WDR7: variants seen among roughly 807,000 people sequenced by gnomAD.
WDR7 encodes WD repeat-containing protein 7.
In WDR7, 46 loss-of-function variants were observed where a neutral mutation model predicts 169.4. That is an observed-to-expected ratio of 0.27 (90% CI 0.21 to 0.35). WDR7 has a LOEUF of 0.35. Among genes scored for constraint, WDR7 ranks in the 10% least tolerant of loss-of-function variants. The probability of loss-of-function intolerance (pLI) is 1.00; values close to 1 mark genes in which losing one functional copy is unlikely to be tolerated. For synonymous variants in WDR7, 612 were observed against 666.8 expected, an observed-to-expected ratio of 0.92 and a Z score of 1.27; for missense variants, 1,534 against 1,859.3, an observed-to-expected ratio of 0.83 and a Z score of 3.22.
chr18:56,905,048 A>G (rs775520971), intron 21 of WDR7, among the ~76,000 whole-genome samples: 8 of 152,218 alleles, frequency 5.3e-5, no homozygotes, highest in Non-Finnish European at 1.0e-4. Flanking sequence ...TTTGGTGAAG[A>G]CAATTAAACC....
At chr18:57,013,494 A>T (rs1324478386) in intron 26 of WDR7, among the ~76,000 whole-genome samples, 1 of 152,240 alleles carries the variant, frequency 6.6e-6, no homozygotes, top group Non-Finnish European at 1.5e-5. Flanking sequence ...ACGTTATATG[A>T]TGCAATTTTA....
At chr18:56,690,227 C>G (rs768143706) in intron 7 of WDR7, among the ~76,000 whole-genome samples, 5 of 152,090 alleles carry the variant, frequency 3.3e-5, no homozygotes, top group Non-Finnish European at 5.9e-5. Context: ...GTGTCCATTT[C>G]TTGTCTGTAA....
chr18:56,711,800 T>C (rs2026091962), intron 12 of WDR7, among the ~76,000 whole-genome samples: 1 of 152,196 alleles, frequency 6.6e-6, no homozygotes, highest in African/African-American at 2.4e-5. Context: ...ATAGGCTGTT[T>C]TTTCCCCTTC....
At chr18:56,746,469 G>T (rs1337741536) in intron 14 of WDR7, among the ~76,000 whole-genome samples, 3 of 152,094 alleles carry the variant, frequency 2.0e-5, no homozygotes, top group African/African-American at 7.2e-5. Context: ...AATGTTACTT[G>T]GTTTTTAGTC....
chr18:56,886,863 C>G (rs929186696), intron 21 of WDR7, among the ~76,000 whole-genome samples: 2 of 152,080 alleles, frequency 1.3e-5, no homozygotes, highest in African/African-American at 4.8e-5. Context: ...TTTAAAGCAA[C>G]AGCAGAAAGA....
rs2026718658 is a variant in WDR7 at position 56,737,166 on chromosome 18, TAGA to T, written c.1989+5573_1989+5575del. Among the ~76,000 whole-genome samples the T allele has an allele frequency of 1.4e-4, 21 of 152,324 alleles. 2 individuals carry two copies. In the South Asian group the frequency reaches 4.3e-3, roughly 32 times the overall value. On this transcript the variant is annotated intron_variant, in intron 14 of 27. Coordinates refer to ENST00000254442, the MANE Select transcript of WDR7 (RefSeq NM_015285.3). ...ATAAGCAGTTCAGTGGATTAGGAGT[TAGA>T]AGATTTGTAAAATATAGATAACCAG...
intron 18 of WDR7, among the ~76,000 whole-genome samples, chr18:56,780,433 T>G (rs1166055430): frequency 6.6e-6 from 1 of 152,206 alleles, no homozygotes; most frequent in East Asian, 1.9e-4. Flanking sequence ...TTGAATAATA[T>G]TTTGAATTCA....
chr18:56,848,527 G>A (rs1357143225), intron 20 of WDR7, among the ~76,000 whole-genome samples: 1 of 152,092 alleles, frequency 6.6e-6, no homozygotes, highest in Non-Finnish European at 1.5e-5. Context: ...GGGGGCCAGG[G>A]ATGGAATGAT....
chr18:56,783,933 A>G (rs1184048878), intron 19 of WDR7, among the ~76,000 whole-genome samples: 2 of 152,214 alleles, frequency 1.3e-5, no homozygotes, highest in Non-Finnish European at 2.9e-5. Flanking sequence ...AGAACTGTGT[A>G]TGTTGTTTGG....
At chr18:56,979,644 GTC>G (rs896686259) in intron 26 of WDR7, among the ~76,000 whole-genome samples, 2 of 152,206 alleles carry the variant, frequency 1.3e-5, no homozygotes, top group Non-Finnish European at 2.9e-5. Context: ...TTGGTAGACT[GTC>G]TTCTTTTGCT....
intron 19 of WDR7, among the ~76,000 whole-genome samples, chr18:56,807,413 C>G (rs527428402): frequency 6.6e-6 from 1 of 152,168 alleles, no homozygotes; most frequent in Admixed American, 6.5e-5. Context: ...GTTGTCAGCT[C>G]ATATCCTGCA....
chr18:57,020,917 T>C (rs1022270015), intron 27 of WDR7, 68 bp downstream of exon 27: 1 of 1,450,332 alleles, frequency 6.9e-7, no homozygotes, highest in Admixed American at 1.7e-5. Context: ...TAAGCCTTCC[T>C]GTTGAGCCTA....
At chr18:56,788,731 T>C (rs1013595365) in intron 19 of WDR7, among the ~76,000 whole-genome samples, 26 of 152,312 alleles carry the variant, frequency 1.7e-4, no homozygotes, top group African/African-American at 6.3e-4. Flanking sequence ...CCTTTTGTAA[T>C]GCCTGTTTTA....
intron 13 of WDR7, among the ~76,000 whole-genome samples, chr18:56,729,150 A>G (rs1328371081): frequency 1.3e-5 from 2 of 152,224 alleles, no homozygotes; most frequent in East Asian, 1.9e-4. Flanking sequence ...CCTTTCCATT[A>G]TAACTACAAA....
intron 26 of WDR7, among the ~76,000 whole-genome samples, chr18:57,011,857 T>C (rs1019992978): frequency 3.3e-5 from 5 of 152,232 alleles, no homozygotes; most frequent in Non-Finnish European, 7.3e-5. Context: ...TTTTGGTCGA[T>C]ATTTTTAGTT....
At chr18:56,743,564 G>A (rs2043652297) in intron 14 of WDR7, among the ~76,000 whole-genome samples, 1 of 152,168 alleles carries the variant, frequency 6.6e-6, no homozygotes, top group African/African-American at 2.4e-5. Context: ...AAATGTGTTT[G>A]TCAATGAAGT....
intron 14 of WDR7, among the ~76,000 whole-genome samples, chr18:56,754,212 T>C (rs1599017362): frequency 6.6e-6 from 1 of 150,618 alleles, no homozygotes; most frequent in African/African-American, 2.4e-5. Context: ...ATTGGAAGGG[T>C]AAGCAGCAGT....
At chr18:56,831,282 A>C (rs2045303619) in intron 20 of WDR7, among the ~76,000 whole-genome samples, 2 of 152,120 alleles carry the variant, frequency 1.3e-5, no homozygotes, top group Admixed American at 1.3e-4. Flanking sequence ...CAGGGTCAGG[A>C]CTAACAAGAG....
At chr18:56,736,189 C>G (rs2026695268) in intron 14 of WDR7, among the ~76,000 whole-genome samples, 1 of 152,146 alleles carries the variant, frequency 6.6e-6, no homozygotes. Context: ...TCTATGTGAT[C>G]AGACATGTGC....
Sources: gnomAD v4.1 joint callset for allele counts (sites outside exome capture counted in the v4.1 genomes callset) on GRCh38, gnomAD v4.1.1 for gene constraint, MANE v1.5 for transcripts, NCBI Gene and HGNC (gene_info 2026-07-23, HGNC 2026-07-21) for gene names.